CPS1: variants seen among roughly 807,000 people sequenced by gnomAD.
The protein encoded by CPS1 is carbamoyl-phosphate synthase [ammonia], mitochondrial.
In CPS1, 109 loss-of-function variants were observed where a neutral mutation model predicts 174.6. The observed-to-expected ratio is 0.62, with a 90% confidence interval of 0.53 to 0.73. The LOEUF is 0.73. CPS1 is among the 30% of genes least tolerant of loss of function. The pLI, the probability that CPS1 is intolerant of heterozygous loss-of-function variation, is 0.00. For synonymous variants in CPS1, 637 were observed against 632.0 expected (o/e 1.01, Z -0.12); for missense variants, 1,689 against 1,821.9 (o/e 0.93, Z 1.33).
At chr2:210,586,601 C>A (rs962579922) in intron 6 of CPS1, among the ~76,000 whole-genome samples, 4 of 152,044 alleles carry the variant, frequency 2.6e-5, no homozygotes, top group African/African-American at 9.7e-5. Context: ...AGTCCAAGCA[C>A]AAATCCATAT....
Position 210,651,466 on chromosome 2 carries a change from A to C in CPS1, c.3480+1028A>C, listed in dbSNP as rs190874604. Among the ~76,000 whole-genome samples the C allele has an allele frequency of 8.5e-5, 13 of 152,288 alleles. No individual in the cohort carries two copies. The East Asian group carries it at 2.5e-3, about 29-fold the overall frequency. The stretch of plus-strand genomic sequence containing the variant: ...GAATCTTTCCAGTGGGCCAGTTTTC[A>C]CTAATGGAGTGAGACACCAACTGTC... On this transcript the variant is annotated intron_variant, in intron 28 of 37. Transcript: ENST00000233072.
At chr2:210,537,394 A>G (rs1696284645) in intron 1 of CPS1, among the ~76,000 whole-genome samples, 1 of 152,180 alleles carries the variant, frequency 6.6e-6, no homozygotes, top group Non-Finnish European at 1.5e-5. Flanking sequence ...AGGGTTAATA[A>G]AGGATTTGTG....
chr2:210,603,969 T>A (rs1574579917), intron 16 of CPS1, among the ~76,000 whole-genome samples: 1 of 152,020 alleles, frequency 6.6e-6, no homozygotes, highest in African/African-American at 2.4e-5. Flanking sequence ...AATTTCAAAT[T>A]TTCCCTGTAT....
intron 10 of CPS1, 144 bp from the exon 11 acceptor site, chr2:210,592,733 CTT>C (rs1431165123): frequency 1.4e-6 from 1 of 735,956 alleles, no homozygotes; most frequent in Admixed American, 2.0e-5. Context: ...GACCATGTTA[CTT>C]AATAGTACTG....
intron 1 of CPS1, among the ~76,000 whole-genome samples, chr2:210,508,664 C>A (rs1223217961): frequency 6.6e-6 from 1 of 152,056 alleles, no homozygotes; most frequent in Non-Finnish European, 1.5e-5. Context: ...AGAGAAGAAT[C>A]AAATAGATGC....
chr2:210,579,809 GGTGTGTGTGT>G (rs35833900), intron 5 of CPS1, 39 bp downstream of exon 5: 27 of 1,338,472 alleles, frequency 2.0e-5, no homozygotes, highest in African/African-American at 4.5e-5. Context: ...TGTTTCTTCG[GGTGTGTGTGT>G]GTGTGTGTGT....
intron 1 of CPS1, among the ~76,000 whole-genome samples, chr2:210,506,299 T>TC (rs1468379386): frequency 6.6e-6 from 1 of 151,890 alleles, no homozygotes; most frequent in African/African-American, 2.4e-5. Flanking sequence ...TCCAGCAAAC[T>TC]CCAACAGACC....
chr2:210,628,959 T>C (rs1258053157), intron 21 of CPS1, among the ~76,000 whole-genome samples: 1 of 152,204 alleles, frequency 6.6e-6, no homozygotes, highest in South Asian at 2.1e-4. Flanking sequence ...TAAACAAAGA[T>C]GATGGAGATG....
intron 1 of CPS1, among the ~76,000 whole-genome samples, chr2:210,561,957 G>T (rs985919087): frequency 2.0e-5 from 3 of 152,056 alleles, no homozygotes; most frequent in African/African-American, 7.2e-5. Context: ...ATTTTACTAA[G>T]TTTCTTCTAT....
rs1402625959 is a variant in CPS1, at chr2:210,576,611, T to A, written c.381+121T>A. ...ACGGTAGTACAAATCATTAAGCTCATGTATTCAATCTTATTCCTAGGTACA... is the reference window on the plus strand; with the variant it reads ...ACGGTAGTACAAATCATTAAGCTCAAGTATTCAATCTTATTCCTAGGTACA... On this transcript the variant is annotated intron_variant, in intron 3 of 37. Transcript: ENST00000233072. 2.8e-6 allele frequency: 3 copies of A among 1,058,698 alleles called. No homozygotes were observed. In the African/African-American group the frequency reaches 4.7e-5, roughly 17 times the overall value. 65.6% of individuals were successfully genotyped at this position (1,058,698 alleles called of 1,614,324 possible).
At chr2:210,654,177 C>T in intron 29 of CPS1, 75 bp downstream of exon 29, 2 of 1,321,002 alleles carry the variant, frequency 1.5e-6, no homozygotes. Flanking sequence ...GAAATATTGA[C>T]AGGTTAGAAT....
chr2:210,660,555 T>G lies in CPS1; in HGVS notation c.3827T>G (p.Ile1276Ser). 1 of 1,614,192 alleles carries G rather than the reference T, an allele frequency of 6.2e-7. No homozygotes were observed. The highest frequency in any genetic ancestry group is 8.5e-7 in the Non-Finnish European group (1 of 1,180,002). ...TCCAAGACTCTTGGGGTTGACTTCA[T>G]TGATGTGGCCACCAAGGTGATGATT... ...FVSKTLGVDF[I>S]DVATKVMIGE... Residue 1276 changes from isoleucine to serine, a missense_variant, in exon 32 of 38, where the codon ATT (isoleucine) becomes AGT (serine). By Grantham distance (142) the Ile-to-Ser change is moderately radical. Transcript: ENST00000233072.
intron 1 of CPS1, among the ~76,000 whole-genome samples, chr2:210,562,727 A>G (rs1296623712): frequency 6.6e-6 from 1 of 152,198 alleles, no homozygotes; most frequent in Non-Finnish European, 1.5e-5. Flanking sequence ...GAAAATGGAA[A>G]AAAAACATGT....
chr2:210,554,192 CATATAT>C (rs35834191), upstream of CPS1, among the ~76,000 whole-genome samples: 1 of 127,374 alleles, frequency 7.9e-6, no homozygotes, highest in African/African-American at 3.2e-5. Context: ...TACACACACA[CATATAT>C]ATATGTATGT....
chr2:210,556,466 A>C, upstream of CPS1: 1 of 834,184 alleles, frequency 1.2e-6, no homozygotes, highest in Non-Finnish European at 1.9e-6. Context: ...TTAGCAGGAG[A>C]AGGTAGTATT....
Position 210,660,524 on chromosome 2 carries a change from T to A in CPS1, c.3796T>A (p.Phe1266Ile). ...CNLRASRSFP[F>I]VSKTLGVDFI... is the part of the protein sequence containing the mutation. ...CTTGAGAGCTTCTCGATCCTTCCCC[T>A]TTGTTTCCAAGACTCTTGGGGTTGA... is the stretch of plus-strand genomic sequence containing the variant. The change falls in exon 32 of 38, where the codon TTT (phenylalanine) becomes ATT (isoleucine). Residue 1266 changes from phenylalanine (F) to isoleucine (I), a missense_variant. Physicochemically the swap from Phe to Ile is conservative, Grantham distance 21 (BLOSUM62 0). Transcript: ENST00000233072. 1 of 1,614,160 alleles carries A rather than the reference T, an allele frequency of 6.2e-7. No individual in the cohort carries two copies. Among genetic ancestry groups the A allele is most frequent in the Non-Finnish European group, 8.5e-7 (1 of 1,179,988 alleles).
chr2:210,520,177 A>G (rs1476038956), intron 1 of CPS1, among the ~76,000 whole-genome samples: 2 of 152,074 alleles, frequency 1.3e-5, no homozygotes, highest in Non-Finnish European at 2.9e-5. Flanking sequence ...TTATTAATGT[A>G]TAATTGACAT....
intron 21 of CPS1, among the ~76,000 whole-genome samples, chr2:210,624,052 T>A (rs1205449772): frequency 1.3e-5 from 2 of 152,126 alleles, no homozygotes; most frequent in African/African-American, 4.8e-5. Context: ...TAACATATAA[T>A]CACATTATAA....
intron 1 of CPS1, among the ~76,000 whole-genome samples, chr2:210,520,396 A>G (rs1332977574): frequency 6.6e-6 from 1 of 151,996 alleles, no homozygotes; most frequent in Non-Finnish European, 1.5e-5. Context: ...TGCTGCACCT[A>G]TCAACCCGCC....
Sources: gnomAD v4.1 joint callset for allele counts (sites outside exome capture counted in the v4.1 genomes callset) on GRCh38, gnomAD v4.1.1 for gene constraint, MANE v1.5 for transcripts, NCBI Gene and HGNC (gene_info 2026-07-23, HGNC 2026-07-21) for gene names.